The following GRM1 variants were observed in gnomAD, a reference collection of about 807,000 sequenced individuals.
GRM1 encodes metabotropic glutamate receptor 1.
Under a neutral mutation model 90.9 loss-of-function variants are expected in GRM1, and 33 were observed. That is an observed-to-expected ratio of 0.36 (90% CI 0.28 to 0.49). GRM1 has a LOEUF of 0.49. Ranked by LOEUF, GRM1 falls within the 20% of genes least tolerant of loss-of-function variation. GRM1 has a pLI of 0.99. For synonymous variants in GRM1, 700 were observed against 613.2 expected, an observed-to-expected ratio of 1.14 and a Z score of -2.09; for missense variants, 1,190 against 1,534.3, an observed-to-expected ratio of 0.78 and a Z score of 3.75.
rs563752326 is a variant in GRM1, at chr6:146,220,131, A to C, written c.950+60534A>C. Among the ~76,000 whole-genome samples, 5 of 152,206 alleles carry C rather than the reference A, an allele frequency of 3.3e-5. No individual in the cohort carries two copies. In the East Asian group the frequency reaches 7.7e-4, roughly 23 times the overall value. ...CCACATATCATGGATACTGCATTTAAATTTTTGGATACATTTAAATAATAT... is the reference window on the plus strand; with the variant it reads ...CCACATATCATGGATACTGCATTTACATTTTTGGATACATTTAAATAATAT... On this transcript the variant is annotated intron_variant, in intron 2 of 7. Transcript: ENST00000282753.
intron 1 of GRM1, among the ~76,000 whole-genome samples, chr6:146,048,137 T>A (rs370558469): frequency 6.6e-6 from 1 of 152,144 alleles, no homozygotes; most frequent in African/African-American, 2.4e-5. Flanking sequence ...TATTTTAGAT[T>A]TCCTCCATAT....
intron 1 of GRM1, among the ~76,000 whole-genome samples, chr6:146,079,894 A>C (rs1776307019): frequency 6.6e-6 from 1 of 152,186 alleles, no homozygotes; most frequent in Admixed American, 6.5e-5. Flanking sequence ...ATGGGTTAAG[A>C]GGTTGTTAAA....
intron 7 of GRM1, among the ~76,000 whole-genome samples, chr6:146,400,644 C>A (rs1777125128): frequency 6.6e-6 from 1 of 152,104 alleles, no homozygotes; most frequent in Non-Finnish European, 1.5e-5. Context: ...AAACAAATTT[C>A]ATGTAACGTT....
intron 2 of GRM1, among the ~76,000 whole-genome samples, chr6:146,216,003 C>T (rs1056381414): frequency 3.9e-5 from 6 of 152,132 alleles, no homozygotes; most frequent in Non-Finnish European, 8.8e-5. Flanking sequence ...ATGGTCTGCC[C>T]GCCTCAACCT....
intron 1 of GRM1, among the ~76,000 whole-genome samples, chr6:146,093,262 T>C (rs1246140511): frequency 6.6e-6 from 1 of 152,140 alleles, no homozygotes; most frequent in Non-Finnish European, 1.5e-5. Flanking sequence ...AATCCAATGC[T>C]TCCACGTCTT....
At chr6:146,316,354 T>A (rs771351045) in intron 3 of GRM1, among the ~76,000 whole-genome samples, 2 of 152,202 alleles carry the variant, frequency 1.3e-5, no homozygotes, top group Non-Finnish European at 2.9e-5. Context: ...CCCAGGATAA[T>A]CTCTCCATCT....
intron 1 of GRM1, among the ~76,000 whole-genome samples, chr6:146,037,997 A>C (rs1790953716): frequency 6.6e-6 from 1 of 151,968 alleles, no homozygotes; most frequent in Non-Finnish European, 1.5e-5. Flanking sequence ...GCTTGTTATC[A>C]TCTTGTAATA....
chr6:146,283,643 C>G (rs1398827059), intron 2 of GRM1, among the ~76,000 whole-genome samples: 1 of 152,160 alleles, frequency 6.6e-6, no homozygotes, highest in Admixed American at 6.5e-5. Flanking sequence ...TAAACACTTG[C>G]TACGACAGGT....
intron 6 of GRM1, among the ~76,000 whole-genome samples, chr6:146,393,234 C>T (rs1461946522): frequency 6.6e-6 from 1 of 152,074 alleles, no homozygotes; most frequent in Non-Finnish European, 1.5e-5. Flanking sequence ...TTCTAACTGG[C>T]ATGAGATGGT....
chr6:146,401,659 T>C (rs1777164435), intron 7 of GRM1, among the ~76,000 whole-genome samples: 1 of 152,228 alleles, frequency 6.6e-6, no homozygotes, highest in Non-Finnish European at 1.5e-5. Context: ...GCCTTTATTA[T>C]GGTTCTTCAG....
rs143246582 is a variant in GRM1 at position 146,118,687 on chromosome 6, C to T, written c.701-40661C>T. ...ATTCCCACCTATGAGTGAGAACATG[C>T]GGTGCATGGTTTTTGTCCCTGTGAT... On this transcript the variant is annotated intron_variant, in intron 1 of 7. Transcript: ENST00000282753. Among the ~76,000 whole-genome samples, 904 of 152,268 alleles carry T rather than the reference C, an allele frequency of 5.9e-3. 4 individuals are homozygous for T. Among genetic ancestry groups the T allele is most frequent in the Non-Finnish European group, 9.7e-3 (658 of 68,034 alleles).
At chr6:146,348,857 A>G (rs750186162) in intron 3 of GRM1, among the ~76,000 whole-genome samples, 1 of 152,186 alleles carries the variant, frequency 6.6e-6, no homozygotes, top group African/African-American at 2.4e-5. Context: ...GTAGATTTCT[A>G]TACCTGCCCC....
At position 146,029,514 on chromosome 6, in the gene GRM1, C is replaced by T. The variant is rs746868622; in HGVS notation, c.-4C>T. 1.7e-5 allele frequency: 27 copies of T among 1,612,128 alleles called. No individual in the cohort carries two copies. The highest frequency in any genetic ancestry group is 2.0e-5 in the Non-Finnish European group (24 of 1,178,268). On this transcript the variant is annotated 5_prime_UTR_variant, in exon 1 of 8. Coordinates refer to ENST00000282753, the MANE Select transcript of GRM1 (RefSeq NM_001278064.2). ...GGCAGGCTGTGGACCTCGTCCTCAC[C>T]ACCATGGTCGGGCTCCTTTTGTTTT...
chr6:146,037,684 G>A (rs1683238246), intron 1 of GRM1, among the ~76,000 whole-genome samples: 1 of 151,952 alleles, frequency 6.6e-6, no homozygotes, highest in African/African-American at 2.4e-5. Context: ...ACATTCATGT[G>A]TTTGTCCCAC....
intron 2 of GRM1, among the ~76,000 whole-genome samples, chr6:146,214,057 A>AT (rs911211720): frequency 2.6e-5 from 4 of 151,848 alleles, no homozygotes; most frequent in African/African-American, 9.7e-5. Context: ...CTTTTTTCTA[A>AT]TTTTTTTGCT....
intron 1 of GRM1, among the ~76,000 whole-genome samples, chr6:146,086,941 T>C (rs1445252327): frequency 6.6e-6 from 1 of 152,124 alleles, no homozygotes; most frequent in African/African-American, 2.4e-5. Flanking sequence ...ATGATGGCAA[T>C]ATATAAATGT....
chr6:146,296,946 A>T (rs1028722533), intron 2 of GRM1, among the ~76,000 whole-genome samples: 1 of 152,130 alleles, frequency 6.6e-6, no homozygotes, highest in African/African-American at 2.4e-5. Context: ...ACATCACCAG[A>T]TGGGTGTTAG....
intron 3 of GRM1, among the ~76,000 whole-genome samples, chr6:146,338,342 T>C (rs1784850305): frequency 6.6e-6 from 1 of 152,208 alleles, no homozygotes; most frequent in African/African-American, 2.4e-5. Flanking sequence ...TACTTGCATC[T>C]AACAAGCTCA....
intron 2 of GRM1, among the ~76,000 whole-genome samples, chr6:146,193,894 T>C (rs1779018471): frequency 6.6e-6 from 1 of 152,134 alleles, no homozygotes; most frequent in Admixed American, 6.5e-5. Context: ...TACCTAGGAA[T>C]GTAACTACTA....
Sources: gnomAD v4.1 joint callset for allele counts (sites outside exome capture counted in the v4.1 genomes callset) on GRCh38, gnomAD v4.1.1 for gene constraint, MANE v1.5 for transcripts, NCBI Gene and HGNC (gene_info 2026-07-23, HGNC 2026-07-21) for gene names.